The following KMT2E variants were observed in gnomAD, a reference collection of about 807,000 sequenced individuals.
The protein encoded by KMT2E is lysine methyltransferase 2E (inactive), also known as histone reader KMT2E.
KMT2E carries 30 observed loss-of-function variants against 184.6 expected under a neutral mutation model. The observed-to-expected ratio is 0.16, with a 90% CI of 0.12 to 0.22. The LOEUF is 0.22. Among genes scored for constraint, KMT2E ranks in the 10% least tolerant of loss-of-function variants. KMT2E has a pLI of 1.00. For missense variants in KMT2E, 2,023 were observed against 2,237.4 expected (o/e 0.90, Z 1.93); for synonymous variants, 815 against 776.5 (o/e 1.05, Z -0.82).
At chr7:105,095,511 A>C (rs1318710676) in intron 15 of KMT2E, among the ~76,000 whole-genome samples, 1 of 152,188 alleles carries the variant, frequency 6.6e-6, no homozygotes, top group Non-Finnish European at 1.5e-5. Flanking sequence ...AGATTTCATG[A>C]AAGAATATTT....
At chr7:105,081,367 GT>G (rs1210951574) in intron 12 of KMT2E, among the ~76,000 whole-genome samples, 3 of 151,958 alleles carry the variant, frequency 2.0e-5, no homozygotes, top group African/African-American at 7.2e-5. Flanking sequence ...CTGGGCGAAA[GT>G]GTGAGACTCG....
chr7:105,078,645 A>G (rs1313801290), intron 11 of KMT2E, among the ~76,000 whole-genome samples: 1 of 132,898 alleles, frequency 7.5e-6, no homozygotes, highest in East Asian at 2.2e-4. Flanking sequence ...GGCACATGCT[A>G]CCATGCCTGG....
chr7:105,075,346 C>A (rs569328752), intron 8 of KMT2E, among the ~76,000 whole-genome samples: 1 of 152,082 alleles, frequency 6.6e-6, no homozygotes, highest in South Asian at 2.1e-4. Context: ...GGAATTAAGT[C>A]TTAAATACAT....
chr7:105,070,706 G>C (rs536482405), intron 6 of KMT2E, among the ~76,000 whole-genome samples: 1 of 150,882 alleles, frequency 6.6e-6, no homozygotes, highest in Non-Finnish European at 1.5e-5. Flanking sequence ...CCAGCTCTTT[G>C]GGGGGCTGAG....
Position 105,113,525 on chromosome 7 carries a change from G to GTATCT in KMT2E, c.*194_*198dup. On this transcript the variant is annotated 3_prime_UTR_variant, in exon 27 of 27. Coordinates refer to ENST00000311117, the MANE Select transcript of KMT2E (RefSeq NM_182931.3). The stretch of plus-strand genomic sequence containing the variant: ...AAATGTGCTGTTAAGCCAGTATTAG[G>GTATCT]TATCTTTATTTTGTAAGTGAACATT... 1.8e-6 allele frequency: 1 copy of GTATCT among 544,830 alleles called. No homozygotes were observed. Among genetic ancestry groups the GTATCT allele is most frequent in the African/African-American group, 1.9e-5 (1 of 51,608 alleles). 33.7% of individuals were successfully genotyped at this position (544,830 alleles called of 1,614,324 possible). A position where few individuals can be genotyped will look rare whatever the true frequency, so the allele number is the denominator to read the frequency against.
chr7:105,059,975 G>GTTGTTTTTTTTTTT (rs1796731995), intron 3 of KMT2E, among the ~76,000 whole-genome samples: 4 of 45,616 alleles, frequency 8.8e-5, no homozygotes, highest in African/African-American at 1.2e-4. Context: ...TTTTCTTGTT[G>GTTGTTTTTTTTTTT]TTGTTTTTTT....
intron 3 of KMT2E, among the ~76,000 whole-genome samples, chr7:105,052,351 T>A (rs1796385351): frequency 6.6e-6 from 1 of 152,152 alleles, no homozygotes; most frequent in Admixed American, 6.5e-5. Flanking sequence ...CCTCTTCCAT[T>A]ATCTAAAATA....
intron 13 of KMT2E, among the ~76,000 whole-genome samples, chr7:105,085,458 G>T (rs1425571574): frequency 1.3e-5 from 2 of 152,188 alleles, no homozygotes; most frequent in Non-Finnish European, 2.9e-5. Flanking sequence ...TGAGTCAGGA[G>T]AATCGCTTGA....
chr7:105,091,670 A>G, intron 15 of KMT2E: 1 of 378,490 alleles, frequency 2.6e-6, no homozygotes, highest in Non-Finnish European at 4.7e-6. Flanking sequence ...AATATAATAA[A>G]AGTACAAATT....
At chr7:105,059,068 T>G (rs1329387245) in intron 3 of KMT2E, among the ~76,000 whole-genome samples, 1 of 152,236 alleles carries the variant, frequency 6.6e-6, no homozygotes, top group African/African-American at 2.4e-5. Flanking sequence ...TCATGGATTA[T>G]GTTTTGATAC....
At chr7:105,072,034 G>A (rs1197721957) in intron 6 of KMT2E, among the ~76,000 whole-genome samples, 4 of 151,990 alleles carry the variant, frequency 2.6e-5, no homozygotes, top group East Asian at 1.9e-4. Flanking sequence ...TTAGGAGGCC[G>A]GGCGCGGTGG....
chr7:105,112,988 T>TCAAGGACCTCCA lies in KMT2E; in HGVS notation c.5234_5245dup (p.Gln1745_Pro1748dup). ...CTCAAGCCTTACACCACCCACCTCA[T>TCAAGGACCTCCA]CAAGGACCTCCACTTTTTCCTTCGA... On this transcript the variant is annotated inframe_insertion, in exon 27 of 27. Coordinates refer to ENST00000311117, the MANE Select transcript of KMT2E (RefSeq NM_182931.3). The TCAAGGACCTCCA allele has an allele frequency of 6.2e-7, 1 of 1,613,934 alleles. No homozygotes were observed. Among genetic ancestry groups the TCAAGGACCTCCA allele is most frequent in the Non-Finnish European group, 8.5e-7 (1 of 1,179,970 alleles).
rs1328747275 is a variant in KMT2E at position 105,086,816 on chromosome 7, T to TA, written c.1359-3192dup. Among the ~76,000 whole-genome samples, 7 of 146,828 alleles carry TA rather than the reference T, an allele frequency of 4.8e-5. No individual in the cohort carries two copies. The Admixed American group carries it at 4.8e-4, about 10-fold the overall frequency. On this transcript the variant is annotated intron_variant, in intron 13 of 26. Transcript: ENST00000311117. The stretch of plus-strand genomic sequence containing the variant: ...TATAAAAATATGATTATATATAAAA[T>TA]ATATATACCACTCCACATGAGCTAG...
At chr7:105,107,293 G>C in intron 21 of KMT2E, 69 bp from the exon 22 acceptor site, 1 of 1,510,022 alleles carries the variant, frequency 6.6e-7, no homozygotes, top group Non-Finnish European at 9.0e-7. Flanking sequence ...TAAATTACTG[G>C]TAAATTTTGA....
rs1288313449 is a variant in KMT2E at position 105,112,085 on chromosome 7, A to G, written c.4329A>G (p.Pro1443=). The G allele has an allele frequency of 6.2e-7, 1 of 1,613,998 alleles. No homozygotes were observed. Among genetic ancestry groups the G allele is most frequent in the African/African-American group, 1.3e-5 (1 of 74,890 alleles). Residue 1443 remains proline (P), a synonymous_variant, in exon 27 of 27, where the codon CCA becomes CCG. Coordinates refer to ENST00000311117, the MANE Select transcript of KMT2E (RefSeq NM_182931.3). ...PSVPTKLHCP[P]SPHLENPPKS... ...TGCCAACAAAGTTGCACTGTCCTCC[A>G]TCACCTCACCTAGAAAATCCTCCAA...
intron 1 of KMT2E, among the ~76,000 whole-genome samples, chr7:105,022,251 A>T (rs1292874893): frequency 6.6e-6 from 1 of 152,094 alleles, no homozygotes; most frequent in Non-Finnish European, 1.5e-5. Flanking sequence ...TTTCAGTACC[A>T]TTAGCCGATC....
Position 105,112,640 on chromosome 7 carries a change from T to C in KMT2E, c.4884T>C (p.Pro1628=). The change falls in exon 27 of 27, where the codon CCT becomes CCC. Residue 1628 remains proline, a synonymous_variant. Coordinates refer to ENST00000311117, the MANE Select transcript of KMT2E (RefSeq NM_182931.3). Reference sequence around the variant, plus strand: ...AAACTGCTGCTGCCGTAGTCCCCCCTCCTCCTCCACCACCACCTGCTCCAG... The same window carrying C: ...AAACTGCTGCTGCCGTAGTCCCCCCCCCTCCTCCACCACCACCTGCTCCAG... ...HHQTAAAVVP[P]PPPPPPAPGP... 1 of 1,613,032 alleles carries C rather than the reference T, an allele frequency of 6.2e-7. No homozygotes were observed. Among genetic ancestry groups the C allele is most frequent in the African/African-American group, 1.3e-5 (1 of 74,586 alleles).
At chr7:105,061,522 T>C (rs1796812514) in intron 3 of KMT2E, among the ~76,000 whole-genome samples, 1 of 152,160 alleles carries the variant, frequency 6.6e-6, no homozygotes, top group African/African-American at 2.4e-5. Context: ...AAGTGATGTA[T>C]GTAAAATGCT....
intron 5 of KMT2E, among the ~76,000 whole-genome samples, chr7:105,064,298 C>T (rs771246120): frequency 3.4e-5 from 5 of 147,546 alleles, no homozygotes; most frequent in African/African-American, 5.0e-5. Context: ...AGAGTACTTA[C>T]GCAGTGCATT....
Sources: gnomAD v4.1 joint callset for allele counts (sites outside exome capture counted in the v4.1 genomes callset) on GRCh38, gnomAD v4.1.1 for gene constraint, MANE v1.5 for transcripts, NCBI Gene and HGNC (gene_info 2026-07-23, HGNC 2026-07-21) for gene names.